The following LRP12 variants were observed in gnomAD, a reference collection of about 807,000 sequenced individuals.
The protein encoded by LRP12 is LDL receptor related protein 12.
LRP12 carries 14 observed loss-of-function variants against 66.0 expected under a neutral mutation model. The ratio of observed to expected loss-of-function variants is 0.21; its 90% CI spans 0.14 to 0.33. The LOEUF is 0.33. Among genes scored for constraint, LRP12 ranks in the 10% least tolerant of loss-of-function variants. The pLI, the probability that LRP12 is intolerant of heterozygous loss-of-function variation, is 1.00. For missense variants in LRP12, 889 were observed against 1,053.4 expected, an observed-to-expected ratio of 0.84 and a Z score of 2.16; for synonymous variants, 357 against 359.1, an observed-to-expected ratio of 0.99 and a Z score of 0.07.
intron 6 of LRP12, among the ~76,000 whole-genome samples, chr8:104,492,369 T>C (rs1469238794): frequency 2.0e-5 from 3 of 152,212 alleles, no homozygotes; most frequent in Non-Finnish European, 4.4e-5. Context: ...AGTTTGTTTT[T>C]AAAAGCATAT....
At chr8:104,534,189 T>C (rs1276965953) in intron 1 of LRP12, among the ~76,000 whole-genome samples, 1 of 151,972 alleles carries the variant, frequency 6.6e-6, no homozygotes, top group African/African-American at 2.4e-5. Context: ...TAGATACACA[T>C]ATTAAATTAA....
chr8:104,558,346 GA>G (rs1301771715), intron 1 of LRP12, among the ~76,000 whole-genome samples: 2 of 152,158 alleles, frequency 1.3e-5, no homozygotes, highest in Non-Finnish European at 2.9e-5. Context: ...AAACATGTAT[GA>G]AGTGGGGAAA....
At chr8:104,584,390 A>G (rs1464267471) in intron 1 of LRP12, among the ~76,000 whole-genome samples, 1 of 152,022 alleles carries the variant, frequency 6.6e-6, no homozygotes, top group Non-Finnish European at 1.5e-5. Context: ...AGTGGGGAAA[A>G]AAAAAAGGAA....
At chr8:104,556,062 T>C (rs1017999760) in intron 1 of LRP12, among the ~76,000 whole-genome samples, 1 of 152,124 alleles carries the variant, frequency 6.6e-6, no homozygotes, top group Non-Finnish European at 1.5e-5. Context: ...TGAATGATAA[T>C]TGGGTCAACA....
intron 6 of LRP12, among the ~76,000 whole-genome samples, chr8:104,494,688 T>C (rs144151741): frequency 0.01 from 1,531 of 152,304 alleles, 16 homozygotes; most frequent in Middle Eastern, 0.041. Flanking sequence ...AAATGTTAAC[T>C]TCATTTTAAT....
intron 1 of LRP12, among the ~76,000 whole-genome samples, chr8:104,550,651 C>A (rs1165034249): frequency 6.6e-6 from 1 of 152,040 alleles, no homozygotes; most frequent in East Asian, 1.9e-4. Flanking sequence ...CCTTCATGCA[C>A]TATATATTAA....
chr8:104,587,925 G>A, intron 1 of LRP12, among the ~76,000 whole-genome samples: 1 of 152,228 alleles, frequency 6.6e-6, no homozygotes, highest in Non-Finnish European at 1.5e-5. Context: ...GATGAACTAA[G>A]AACGGTGAAG....
chr8:104,513,052 C>T (rs1811020283), intron 2 of LRP12, among the ~76,000 whole-genome samples: 1 of 152,084 alleles, frequency 6.6e-6, no homozygotes, highest in Non-Finnish European at 1.5e-5. Context: ...CAGATCTAGC[C>T]AGTGGCTTTT....
chr8:104,491,102 TG>T lies in LRP12; in HGVS notation c.2150del (p.Pro717GlnfsTer3). On this transcript the variant is annotated frameshift_variant, in exon 7 of 7. Transcript: ENST00000276654. LOFTEE classifies it high-confidence loss of function. ...GCTGGTGACGTGCTGGACTCACACT[TG>T]GGGGTTCCACACTTGTCACATCCCT... Reference protein sequence around the residue: ...NGRDVTSVEPPSVSPARHQLT... With the variant: ...NGRDVTSVEPXSVSPARHQLT... 1 of 1,614,122 alleles carries T rather than the reference TG, an allele frequency of 6.2e-7. No homozygotes were observed. The highest frequency in any genetic ancestry group is 8.5e-7 in the Non-Finnish European group (1 of 1,180,016).
chr8:104,565,260 T>A (rs954438506), intron 1 of LRP12, among the ~76,000 whole-genome samples: 1 of 152,144 alleles, frequency 6.6e-6, no homozygotes. Flanking sequence ...AATATCGATA[T>A]GCTCAGATAA....
chr8:104,503,946 T>A lies in LRP12; in HGVS notation c.273-4427A>T, dbSNP rs115924331. Among the ~76,000 whole-genome samples the A allele has an allele frequency of 5.0e-3, 758 of 152,298 alleles. 9 individuals are homozygous for A. The highest frequency in any genetic ancestry group is 0.017 in the African/African-American group (713 of 41,580). On this transcript the variant is annotated intron_variant, in intron 3 of 6. Coordinates refer to ENST00000276654, the MANE Select transcript of LRP12 (RefSeq NM_013437.5). ...CATTAAATTTGCTTTTGAAAATTTTTAAACAGACACCCTTTACCAGGTTAA... is the reference window on the plus strand; with the variant it reads ...CATTAAATTTGCTTTTGAAAATTTTAAAACAGACACCCTTTACCAGGTTAA...
intron 1 of LRP12, among the ~76,000 whole-genome samples, chr8:104,574,189 T>C (rs996989761): frequency 2.0e-5 from 3 of 152,200 alleles, no homozygotes; most frequent in African/African-American, 7.2e-5. Context: ...AGTTGTCATC[T>C]TACATATTTT....
At chr8:104,509,223 T>C (rs912417013) in intron 2 of LRP12, 149 bp from the exon 3 acceptor site, 11 of 588,554 alleles carry the variant, frequency 1.9e-5, no homozygotes, top group Non-Finnish European at 2.8e-6. Flanking sequence ...AAAGCTATTA[T>C]TCTAATGAGA....
intron 1 of LRP12, among the ~76,000 whole-genome samples, chr8:104,554,097 A>G (rs991761387): frequency 6.6e-6 from 1 of 152,054 alleles, no homozygotes; most frequent in Non-Finnish European, 1.5e-5. Context: ...CAAGGGAGCA[A>G]CCCATGGGAA....
chr8:104,515,709 C>T (rs1456782999), intron 2 of LRP12, among the ~76,000 whole-genome samples: 1 of 152,134 alleles, frequency 6.6e-6, no homozygotes, highest in Non-Finnish European at 1.5e-5. Flanking sequence ...TATATGGCTG[C>T]AGAATATAGA....
chr8:104,535,263 A>G (rs1397469363), intron 1 of LRP12, among the ~76,000 whole-genome samples: 2 of 151,756 alleles, frequency 1.3e-5, no homozygotes, highest in Non-Finnish European at 2.9e-5. Context: ...ACAATATGAG[A>G]GAGAATCAAC....
chr8:104,564,519 C>T (rs564815869), intron 1 of LRP12, among the ~76,000 whole-genome samples: 25 of 151,852 alleles, frequency 1.6e-4, no homozygotes, highest in Non-Finnish European at 2.4e-4. Flanking sequence ...CTTATATTCT[C>T]AGGTGTAGGG....
At chr8:104,496,867 C>G in intron 5 of LRP12, 105 bp downstream of exon 5, 1 of 1,126,958 alleles carries the variant, frequency 8.9e-7, no homozygotes, top group South Asian at 2.9e-5. Context: ...TATCCATTTT[C>G]TAAACTAATA....
chr8:104,552,424 C>T (rs1811742034), intron 1 of LRP12, among the ~76,000 whole-genome samples: 1 of 150,474 alleles, frequency 6.6e-6, no homozygotes, highest in African/African-American at 2.4e-5. Flanking sequence ...AATCCCAGCA[C>T]TTTGGGAGGC....
Sources: allele counts gnomAD v4.1 joint callset (sites outside exome capture counted in the v4.1 genomes callset), GRCh38; gene constraint gnomAD v4.1.1; transcripts MANE v1.5; gene names NCBI Gene and HGNC (gene_info 2026-07-23, HGNC 2026-07-21).